The following NRP1 variants were observed in gnomAD, a reference collection of about 807,000 sequenced individuals.
The protein encoded by NRP1 is neuropilin-1.
Under a neutral mutation model 106.7 loss-of-function variants are expected in NRP1, and 35 were observed. That is an observed-to-expected ratio of 0.33 (90% CI 0.25 to 0.43). The LOEUF is 0.43. Among genes scored for constraint, NRP1 ranks in the 20% least tolerant of loss-of-function variants. NRP1 has a pLI of 1.00. For missense variants in NRP1, 1,024 were observed against 1,170.4 expected (o/e 0.87, Z 1.83); for synonymous variants, 437 against 417.9 (o/e 1.05, Z -0.56).
chr10:33,281,511 C>T (rs1823210411), intron 2 of NRP1, among the ~76,000 whole-genome samples: 1 of 152,176 alleles, frequency 6.6e-6, no homozygotes, highest in Non-Finnish European at 1.5e-5. Context: ...AGAAGGATCA[C>T]CATCTTTGAC....
At chr10:33,264,849 C>T (rs890861920) in intron 3 of NRP1, among the ~76,000 whole-genome samples, 31 of 152,132 alleles carry the variant, frequency 2.0e-4, no homozygotes, top group Non-Finnish European at 3.4e-4. Flanking sequence ...TGGCTCATGC[C>T]TGTAATGCCA....
intron 5 of NRP1, 120 bp downstream of exon 5, chr10:33,256,196 A>G: frequency 1.1e-6 from 1 of 924,026 alleles, no homozygotes; most frequent in South Asian, 1.8e-5. Flanking sequence ...AGAGAAAAAC[A>G]GACAGCTGGC....
In NRP1 at chr10:33,195,483, CTG is replaced by C. The variant is rs767542186; in HGVS notation, c.1924+2165_1924+2166del. On this transcript the variant is annotated intron_variant, in intron 12 of 16. Transcript: ENST00000374867. ...ATCAGCAAGATGAAATAGTAAGACT[CTG>C]AGTTGAGTCTATAATAGCAAAATGG... is the stretch of plus-strand genomic sequence containing the variant. The C allele has an allele frequency of 7.5e-6, 4 of 533,244 alleles. No individual in the cohort carries two copies. In the East Asian group the frequency reaches 2.2e-4, roughly 29 times the overall value. The allele number at this position is 533,244 out of a possible 1,614,324, so 33.0% of individuals were successfully genotyped here.
At chr10:33,246,555 A>G (rs1461977447) in intron 6 of NRP1, among the ~76,000 whole-genome samples, 1 of 150,404 alleles carries the variant, frequency 6.6e-6, no homozygotes, top group Non-Finnish European at 1.5e-5. Context: ...GTTTTGGTTG[A>G]AACAGCATAT....
chr10:33,223,479 G>A (rs1271195025), intron 7 of NRP1, among the ~76,000 whole-genome samples: 1 of 151,036 alleles, frequency 6.6e-6, no homozygotes, highest in African/African-American at 2.4e-5. Context: ...AAAAAAATTA[G>A]CCAGGTATGG....
chr10:33,228,554 A>T (rs903112608), intron 6 of NRP1, among the ~76,000 whole-genome samples: 23 of 152,224 alleles, frequency 1.5e-4, no homozygotes, highest in Non-Finnish European at 2.9e-5. Flanking sequence ...TTCTATGCAC[A>T]GCCTGCCTCA....
At chr10:33,293,160 C>G (rs1390595298) in intron 2 of NRP1, among the ~76,000 whole-genome samples, 2 of 152,128 alleles carry the variant, frequency 1.3e-5, no homozygotes, top group African/African-American at 4.8e-5. Context: ...ATCTGGAATA[C>G]TTAAATTCCT....
At chr10:33,306,084 C>T (rs1471363774) in intron 2 of NRP1, among the ~76,000 whole-genome samples, 1 of 152,072 alleles carries the variant, frequency 6.6e-6, no homozygotes, top group Non-Finnish European at 1.5e-5. Flanking sequence ...TATTTCTAAC[C>T]AAAATTTTCA....
chr10:33,197,713 A>G lies in NRP1; in HGVS notation c.1865-4T>C, dbSNP rs1191241095. ...GTGGCCAGCACAGTGGTGCCACCTG[A>G]AAAACAAAAACAGGAACATGCAAAA... On this transcript the variant is annotated splice_region_variant and splice_polypyrimidine_tract_variant and intron_variant, in intron 11 of 16. Coordinates refer to ENST00000374867, the MANE Select transcript of NRP1 (RefSeq NM_003873.7). 1 of 1,575,962 alleles carries G rather than the reference A, an allele frequency of 6.3e-7. No individual in the cohort carries two copies. The highest frequency in any genetic ancestry group is 1.7e-5 in the Admixed American group (1 of 57,782).
chr10:33,203,502 A>T (rs35146275), intron 10 of NRP1, among the ~76,000 whole-genome samples: 38,540 of 151,824 alleles, frequency 0.25, 5,506 homozygotes, highest in East Asian at 0.59. Flanking sequence ...TGTTTTTTTA[A>T]AAAAAAACAA....
At chr10:33,267,158 T>C (rs1408111611) in intron 3 of NRP1, among the ~76,000 whole-genome samples, 1 of 152,204 alleles carries the variant, frequency 6.6e-6, no homozygotes, top group Non-Finnish European at 1.5e-5. Context: ...TCCTGAGGCC[T>C]ACCCAGAAGC....
At chr10:33,215,896 C>G (rs743169) in intron 8 of NRP1, among the ~76,000 whole-genome samples, 1,998 of 152,274 alleles carry the variant, frequency 0.013, 47 homozygotes, top group African/African-American at 0.046. Context: ...ACTCCTTTAA[C>G]CAGTGCCAAT....
chr10:33,259,844 G>T (rs576999518), intron 4 of NRP1, among the ~76,000 whole-genome samples: 2 of 152,148 alleles, frequency 1.3e-5, no homozygotes, highest in East Asian at 3.9e-4. Context: ...CTATAAAGAG[G>T]TACTTAAATT....
At chr10:33,294,002 A>C (rs1845196165) in intron 2 of NRP1, among the ~76,000 whole-genome samples, 1 of 152,226 alleles carries the variant, frequency 6.6e-6, no homozygotes, top group Admixed American at 6.5e-5. Context: ...TACACTCTTC[A>C]TTTTACATTA....
At chr10:33,220,922 A>AC (rs1410968693) in intron 8 of NRP1, among the ~76,000 whole-genome samples, 23 of 149,682 alleles carry the variant, frequency 1.5e-4, no homozygotes, top group Admixed American at 3.3e-4. Context: ...AAAAAAAAAA[A>AC]AGAAAAACAA....
intron 8 of NRP1, among the ~76,000 whole-genome samples, chr10:33,214,098 C>G (rs978732710): frequency 1.3e-5 from 2 of 152,082 alleles, no homozygotes; most frequent in Admixed American, 1.3e-4. Context: ...AGAAGTCAAT[C>G]CGATAGCAGG....
intron 2 of NRP1, among the ~76,000 whole-genome samples, chr10:33,319,060 A>G (rs1328688079): frequency 7.3e-6 from 1 of 137,418 alleles, no homozygotes; most frequent in Non-Finnish European, 1.5e-5. Context: ...GCTGGAGTGC[A>G]GTGGCACGAT....
chr10:33,286,284 G>C (rs1844531763), intron 2 of NRP1, among the ~76,000 whole-genome samples: 1 of 152,212 alleles, frequency 6.6e-6, no homozygotes, highest in Admixed American at 6.5e-5. Context: ...AAGTATGCAT[G>C]TAAGTATTTC....
chr10:33,193,744 G>A (rs112069794), intron 12 of NRP1, among the ~76,000 whole-genome samples: 2 of 152,134 alleles, frequency 1.3e-5, no homozygotes, highest in African/African-American at 2.4e-5. Flanking sequence ...TTGTCTCCAT[G>A]GCCCCTCCCC....
Sources: allele counts gnomAD v4.1 joint callset (sites outside exome capture counted in the v4.1 genomes callset), GRCh38; gene constraint gnomAD v4.1.1; transcripts MANE v1.5; gene names NCBI Gene and HGNC (gene_info 2026-07-23, HGNC 2026-07-21).